Variants in KIAA0232 observed in about 807,000 individuals in gnomAD.
KIAA0232 encodes KIAA0232.
KIAA0232 carries 27 observed loss-of-function variants against 122.0 expected under a neutral mutation model. The ratio of observed to expected loss-of-function variants is 0.22; its 90% CI spans 0.16 to 0.31. The LOEUF (loss-of-function observed/expected upper bound fraction) is 0.31, where lower values mean the gene tolerates loss of function less well. Ranked by LOEUF, KIAA0232 falls within the 10% of genes least tolerant of loss-of-function variation. The pLI, the probability that KIAA0232 is intolerant of heterozygous loss-of-function variation, is 1.00. For missense variants in KIAA0232, 1,551 were observed against 1,634.2 expected, an observed-to-expected ratio of 0.95 and a Z score of 0.88; for synonymous variants, 613 against 587.6, an observed-to-expected ratio of 1.04 and a Z score of -0.63.
At chr4:6,783,178 A>G (rs1198973164) in intron 1 of KIAA0232, among the ~76,000 whole-genome samples, 1 of 149,560 alleles carries the variant, frequency 6.7e-6, no homozygotes, top group African/African-American at 2.5e-5. Flanking sequence ...GCCGCTGTTG[A>G]TGGCTCCGGG....
chr4:6,858,490 A>G lies in KIAA0232; in HGVS notation c.502A>G (p.Lys168Glu), dbSNP rs1421085480. Residue 168 changes from lysine to glutamate, a missense_variant, in exon 6 of 10, where the codon AAG (lysine) becomes GAG (glutamate). Transcript: ENST00000307659. ...SPEAELSPPAKDQVEMYYEAF... is the reference protein window; with the variant it reads ...SPEAELSPPAEDQVEMYYEAF... ...AGAGGCAGAATTATCCCCTCCAGCA[A>G]AGGATCAAGTGGAAATGTATGTAAG... 1 of 1,606,282 alleles carries G rather than the reference A, an allele frequency of 6.2e-7. No individual in the cohort carries two copies.
intron 1 of KIAA0232, among the ~76,000 whole-genome samples, chr4:6,796,487 C>A (rs1025872147): frequency 6.6e-6 from 1 of 152,206 alleles, no homozygotes; most frequent in South Asian, 2.1e-4. Flanking sequence ...GGTGATCTGC[C>A]TGCCTTGGCC....
intron 3 of KIAA0232, 108 bp from the exon 4 acceptor site, chr4:6,841,959 C>T (rs911107227): frequency 1.2e-5 from 15 of 1,258,682 alleles, no homozygotes; most frequent in African/African-American, 9.3e-5. Context: ...TCCTAAAACT[C>T]GTATGGAAAT....
intron 1 of KIAA0232, among the ~76,000 whole-genome samples, chr4:6,795,900 T>C (rs1173934792): frequency 6.6e-6 from 1 of 152,144 alleles, no homozygotes; most frequent in East Asian, 1.9e-4. Flanking sequence ...CTAGAAAATT[T>C]TAATTACATA....
At chr4:6,789,817 AGGAG>A (rs1716807856) in intron 1 of KIAA0232, among the ~76,000 whole-genome samples, 1 of 152,132 alleles carries the variant, frequency 6.6e-6, no homozygotes, top group African/African-American at 2.4e-5. Context: ...ACTTGAGCCC[AGGAG>A]TTTGAGATGT....
chr4:6,875,096 TAGG>T (rs1721681805), intron 8 of KIAA0232, among the ~76,000 whole-genome samples: 1 of 152,108 alleles, frequency 6.6e-6, no homozygotes, highest in African/African-American at 2.4e-5. Context: ...GATGCCTCCT[TAGG>T]AGAGATGAAG....
At chr4:6,784,976 G>A (rs1716550528) in intron 1 of KIAA0232, among the ~76,000 whole-genome samples, 1 of 142,192 alleles carries the variant, frequency 7.0e-6, no homozygotes, top group Admixed American at 7.5e-5. Flanking sequence ...GTCTCGCTCT[G>A]CCGCCCAGGC....
chr4:6,783,427 C>T (rs1331813483), intron 1 of KIAA0232, among the ~76,000 whole-genome samples: 5 of 152,186 alleles, frequency 3.3e-5, no homozygotes, highest in Non-Finnish European at 7.4e-5. Context: ...GGCGGGGGTG[C>T]TTAGACTTGA....
intron 4 of KIAA0232, among the ~76,000 whole-genome samples, chr4:6,842,998 C>T (rs189745101): frequency 6.6e-6 from 1 of 152,124 alleles, no homozygotes; most frequent in Non-Finnish European, 1.5e-5. Context: ...AGTTCAAACA[C>T]TTCAAAAGTA....
chr4:6,821,423 C>T (rs1052697644), intron 2 of KIAA0232, among the ~76,000 whole-genome samples: 4 of 152,018 alleles, frequency 2.6e-5, no homozygotes, highest in African/African-American at 9.7e-5. Flanking sequence ...CATTCTTATG[C>T]CTTTGCATCC....
chr4:6,839,147 A>G (rs1244099177), intron 3 of KIAA0232, among the ~76,000 whole-genome samples: 2 of 152,158 alleles, frequency 1.3e-5, no homozygotes, highest in African/African-American at 4.8e-5. Context: ...AAATAAAGCT[A>G]AGGATTCTTC....
chr4:6,816,319 G>A lies in KIAA0232; in HGVS notation c.-269-7866G>A, dbSNP rs1718124983. On this transcript the variant is annotated intron_variant, in intron 2 of 9. Coordinates refer to ENST00000307659, the MANE Select transcript of KIAA0232 (RefSeq NM_014743.3). ...TTTTTTTGAGACGGAGCCTCGCTCTGTTGCCCAGGCTCGAGTGCAGTGGCG... is the reference window on the plus strand; with the variant it reads ...TTTTTTTGAGACGGAGCCTCGCTCTATTGCCCAGGCTCGAGTGCAGTGGCG... Among the ~76,000 whole-genome samples the A allele has an allele frequency of 1.4e-5, 2 of 147,332 alleles. 1 individual carries two copies. Among genetic ancestry groups the A allele is most frequent in the South Asian group, 4.3e-4 (2 of 4,660 alleles).
intron 3 of KIAA0232, among the ~76,000 whole-genome samples, chr4:6,827,263 C>G (rs1718740818): frequency 1.3e-5 from 2 of 152,158 alleles, no homozygotes; most frequent in Non-Finnish European, 2.9e-5. Flanking sequence ...TTAAAGGTGG[C>G]AAAAGCCAGA....
intron 8 of KIAA0232, among the ~76,000 whole-genome samples, chr4:6,873,044 G>A (rs927709789): frequency 2.0e-5 from 3 of 152,210 alleles, no homozygotes; most frequent in African/African-American, 4.8e-5. Context: ...ATTGAACAGC[G>A]TTTATTGAAG....
intron 1 of KIAA0232, among the ~76,000 whole-genome samples, chr4:6,803,364 A>G (rs371905520): frequency 6.6e-6 from 1 of 152,112 alleles, no homozygotes; most frequent in Non-Finnish European, 1.5e-5. Flanking sequence ...AATTACACAA[A>G]TCTTTGACAT....
At chr4:6,796,383 A>G (rs1464851629) in intron 1 of KIAA0232, among the ~76,000 whole-genome samples, 1 of 152,120 alleles carries the variant, frequency 6.6e-6, no homozygotes. Flanking sequence ...CTGGGACTAC[A>G]GGTGTGTGCC....
At chr4:6,839,094 C>T (rs1359289735) in intron 3 of KIAA0232, among the ~76,000 whole-genome samples, 1 of 152,092 alleles carries the variant, frequency 6.6e-6, no homozygotes, top group African/African-American at 2.4e-5. Flanking sequence ...CCACTACACT[C>T]CAGCCTGGGT....
At chr4:6,853,345 A>T (rs1451747413) in intron 4 of KIAA0232, among the ~76,000 whole-genome samples, 1 of 152,244 alleles carries the variant, frequency 6.6e-6, no homozygotes, top group African/African-American at 2.4e-5. Flanking sequence ...AAGAAATGGT[A>T]AACAGGTGAC....
At chr4:6,802,569 A>G (rs1717431344) in intron 1 of KIAA0232, among the ~76,000 whole-genome samples, 1 of 147,988 alleles carries the variant, frequency 6.8e-6, no homozygotes, top group African/African-American at 2.5e-5. Context: ...CCCTTACTAA[A>G]TAACTATGTG....
Sources: gnomAD v4.1 joint callset for allele counts (sites outside exome capture counted in the v4.1 genomes callset) on GRCh38, gnomAD v4.1.1 for gene constraint, MANE v1.5 for transcripts, NCBI Gene and HGNC (gene_info 2026-07-23, HGNC 2026-07-21) for gene names.